Variants in SRGAP1 observed in about 807,000 individuals in gnomAD.
The protein encoded by SRGAP1 is SLIT-ROBO Rho GTPase-activating protein 1.
Under a neutral mutation model 121.9 loss-of-function variants are expected in SRGAP1, and 43 were observed. That is an observed-to-expected ratio of 0.35 (90% CI 0.28 to 0.46). The LOEUF (loss-of-function observed/expected upper bound fraction) is 0.46, where lower values mean the gene tolerates loss of function less well. Ranked by LOEUF, SRGAP1 falls within the 20% of genes least tolerant of loss-of-function variation. SRGAP1 has a pLI of 1.00. For synonymous variants in SRGAP1, 447 were observed against 485.4 expected, an observed-to-expected ratio of 0.92 and a Z score of 1.04; for missense variants, 1,102 against 1,350.9, an observed-to-expected ratio of 0.82 and a Z score of 2.89.
At chr12:64,014,979 G>A (rs1266527133) in intron 3 of SRGAP1, among the ~76,000 whole-genome samples, 3 of 64,446 alleles carry the variant, frequency 4.7e-5, no homozygotes. Context: ...ACCACACCTG[G>A]CTAATTTTTG....
intron 4 of SRGAP1, among the ~76,000 whole-genome samples, chr12:64,041,721 A>C (rs1289481387): frequency 1.3e-5 from 2 of 151,908 alleles, no homozygotes; most frequent in Non-Finnish European, 2.9e-5. Context: ...TCACTACAGT[A>C]GCCAGCCATA....
intron 8 of SRGAP1, among the ~76,000 whole-genome samples, chr12:64,076,430 T>C (rs190783238): frequency 1.3e-5 from 2 of 152,218 alleles, no homozygotes; most frequent in South Asian, 2.1e-4. Context: ...ATGAGCTACA[T>C]AGGAATTCTA....
chr12:63,910,119 G>A (rs2030424003), intron 1 of SRGAP1, among the ~76,000 whole-genome samples: 2 of 152,150 alleles, frequency 1.3e-5, no homozygotes, highest in Admixed American at 6.5e-5. Flanking sequence ...TGTGTCTTTT[G>A]TTTCTCTTTA....
At chr12:63,972,404 G>A (rs556046465) in intron 1 of SRGAP1, among the ~76,000 whole-genome samples, 97 of 152,250 alleles carry the variant, frequency 6.4e-4, no homozygotes, top group African/African-American at 2.3e-3. Context: ...CTGTTTATAG[G>A]AGAAACCTTA....
intron 15 of SRGAP1, 87 bp downstream of exon 15, chr12:64,097,462 C>A (rs1410948149): frequency 5.6e-5 from 76 of 1,368,286 alleles, no homozygotes; most frequent in Non-Finnish European, 7.2e-5. Context: ...CCTCCATACA[C>A]CCCCACCCCC....
intron 1 of SRGAP1, among the ~76,000 whole-genome samples, chr12:63,936,114 A>AT (rs11413939): frequency 0.065 from 9,842 of 152,118 alleles, 1,044 homozygotes; most frequent in African/African-American, 0.22. Context: ...AATAACAGTT[A>AT]TTTTTTTAAA....
At chr12:63,907,219 CAT>C (rs2030256944) in intron 1 of SRGAP1, among the ~76,000 whole-genome samples, 2 of 152,162 alleles carry the variant, frequency 1.3e-5, no homozygotes, top group African/African-American at 2.4e-5. Flanking sequence ...CTTGAAGAAA[CAT>C]ATTCAAATTA....
intron 1 of SRGAP1, among the ~76,000 whole-genome samples, chr12:63,954,249 T>G (rs943981312): frequency 1.3e-5 from 2 of 152,244 alleles, no homozygotes; most frequent in African/African-American, 4.8e-5. Flanking sequence ...AAGATTAAGA[T>G]CACAGAAAAG....
chr12:63,892,230 T>C (rs1413596005), intron 1 of SRGAP1, among the ~76,000 whole-genome samples: 2 of 152,194 alleles, frequency 1.3e-5, no homozygotes, highest in African/African-American at 2.4e-5. Context: ...CAACCATTTT[T>C]AAATGTTCTG....
chr12:63,907,352 C>T (rs1171020310), intron 1 of SRGAP1, among the ~76,000 whole-genome samples: 1 of 151,988 alleles, frequency 6.6e-6, no homozygotes, highest in Non-Finnish European at 1.5e-5. Context: ...GCTTGGCCAA[C>T]ATAGTGAAAC....
chr12:63,880,661 G>C (rs1900165382), intron 1 of SRGAP1, among the ~76,000 whole-genome samples: 2 of 152,104 alleles, frequency 1.3e-5, no homozygotes, highest in African/African-American at 4.8e-5. Context: ...ATAGGGTGTA[G>C]GTATAAGAAT....
intron 1 of SRGAP1, among the ~76,000 whole-genome samples, chr12:63,917,086 T>C (rs143971001): frequency 0.016 from 2,504 of 152,316 alleles, 72 homozygotes; most frequent in African/African-American, 0.057. Context: ...GATTTAGTCA[T>C]ATTGCAAGCT....
intron 1 of SRGAP1, among the ~76,000 whole-genome samples, chr12:63,927,112 C>G (rs2031289347): frequency 6.6e-6 from 1 of 152,170 alleles, no homozygotes; most frequent in African/African-American, 2.4e-5. Flanking sequence ...GAGTCAACTA[C>G]TATATACATA....
intron 1 of SRGAP1, among the ~76,000 whole-genome samples, chr12:63,926,377 A>G (rs925072384): frequency 5.3e-5 from 8 of 152,124 alleles, no homozygotes; most frequent in Admixed American, 3.9e-4. Context: ...TTCCAGTTTC[A>G]TAGGAGAGGA....
At chr12:64,032,450 C>T (rs2034801843) in intron 4 of SRGAP1, 1 of 749,004 alleles carries the variant, frequency 1.3e-6, no homozygotes, top group South Asian at 1.5e-5. Context: ...CTGAGTTTGC[C>T]CCACCATTGG....
At chr12:64,134,032 A>G (rs979471146) in intron 21 of SRGAP1, among the ~76,000 whole-genome samples, 5 of 152,078 alleles carry the variant, frequency 3.3e-5, no homozygotes, top group African/African-American at 4.8e-5. Flanking sequence ...TTGGGATCCA[A>G]TTATCTCCAT....
At chr12:64,108,342 C>G (rs2036378723) in intron 15 of SRGAP1, among the ~76,000 whole-genome samples, 1 of 152,100 alleles carries the variant, frequency 6.6e-6, no homozygotes, top group Non-Finnish European at 1.5e-5. Context: ...CTATAAACAT[C>G]AGGACATGCA....
chr12:63,990,944 G>A (rs2033542467), intron 3 of SRGAP1, among the ~76,000 whole-genome samples: 5 of 152,140 alleles, frequency 3.3e-5, no homozygotes, highest in Admixed American at 1.3e-4. Flanking sequence ...ACACACCAGC[G>A]AGCTTCCTCC....
intron 17 of SRGAP1, among the ~76,000 whole-genome samples, chr12:64,114,331 C>CTTTTTTTTTT (rs957049187): frequency 1.1e-5 from 1 of 89,252 alleles, no homozygotes; most frequent in Non-Finnish European, 2.2e-5. Flanking sequence ...ATATGGTTAG[C>CTTTTTTTTTT]TTTTTTTTTT....
Sources: gnomAD v4.1 joint callset for allele counts (sites outside exome capture counted in the v4.1 genomes callset) on GRCh38, gnomAD v4.1.1 for gene constraint, MANE v1.5 for transcripts, NCBI Gene and HGNC (gene_info 2026-07-23, HGNC 2026-07-21) for gene names.